SART3: variants seen among roughly 807,000 people sequenced by gnomAD.
SART3 encodes the protein HIV-1 Tat-interacting protein of 110kDa.
In SART3, 44 loss-of-function variants were observed where a neutral mutation model predicts 122.3. The ratio of observed to expected loss-of-function variants is 0.36; its 90% CI spans 0.28 to 0.46. The LOEUF is 0.46. Among genes scored for constraint, SART3 ranks in the 20% least tolerant of loss-of-function variants. The probability of loss-of-function intolerance (pLI) is 1.00; values close to 1 mark genes in which losing one functional copy is unlikely to be tolerated. For synonymous variants in SART3, 442 were observed against 454.0 expected (o/e 0.97, Z 0.34); for missense variants, 1,101 against 1,229.0 (o/e 0.90, Z 1.56).
At chr12:108,528,797 T>A (rs1274749980) in intron 15 of SART3, among the ~76,000 whole-genome samples, 1 of 152,006 alleles carries the variant, frequency 6.6e-6, no homozygotes, top group East Asian at 1.9e-4. Flanking sequence ...ATGCTGAGAA[T>A]AGAGGGAGCC....
intron 15 of SART3, among the ~76,000 whole-genome samples, chr12:108,527,451 C>T (rs1315045944): frequency 2.0e-5 from 3 of 152,246 alleles, no homozygotes; most frequent in Non-Finnish European, 4.4e-5. Context: ...CCACAGTCTT[C>T]CTGGTACGAA....
chr12:108,539,161 T>TAAAATAAAATAAAATACA, intron 6 of SART3, 72 bp from the exon 7 acceptor site: 1 of 1,568,108 alleles, frequency 6.4e-7, no homozygotes, highest in East Asian at 2.3e-5. Context: ...ATAAAATAAA[T>TAAAATAAAATAAAATACA]TTTGGCAAAA....
At chr12:108,557,756 A>G (rs2030293213) in intron 1 of SART3, among the ~76,000 whole-genome samples, 1 of 152,234 alleles carries the variant, frequency 6.6e-6, no homozygotes, top group Non-Finnish European at 1.5e-5. Flanking sequence ...CTGCACTGAC[A>G]AATCTGCCGA....
intron 6 of SART3, chr12:108,542,705 A>G (rs1873224190): frequency 2.5e-6 from 1 of 398,228 alleles, no homozygotes; most frequent in Non-Finnish European, 4.8e-6. Flanking sequence ...GGATACTTTC[A>G]TAGCTTGTAA....
rs559341962 is a variant in SART3, at chr12:108,524,780, A to G, written c.2524-274T>C. The G allele has an allele frequency of 9.7e-5, 51 of 524,894 alleles. 1 individual carries two copies. The highest frequency in any genetic ancestry group is 9.6e-4 in the South Asian group (47 of 48,732). The allele number at this position is 524,894 out of a possible 1,614,324, so 32.5% of individuals were successfully genotyped here. ...GTACGTGCTGCAGAAGTAGAAAGAA[A>G]GAAGGAAAAAGACAGATGGACCAGT... On this transcript the variant is annotated intron_variant, in intron 17 of 18. Coordinates refer to ENST00000546815, the MANE Select transcript of SART3 (RefSeq NM_014706.4).
Position 108,535,478 on chromosome 12 carries a change from A to C in SART3, c.1447-10T>G. ...TATTGCACAGTCGAGCCTAAAGTGC[A>C]TCAGCAGGCTGTTAGGAGACCTGAA... On this transcript the variant is annotated splice_polypyrimidine_tract_variant and intron_variant, in intron 11 of 18. Transcript: ENST00000546815. The C allele has an allele frequency of 6.2e-7, 1 of 1,611,570 alleles. No individual in the cohort carries two copies. Among genetic ancestry groups the C allele is most frequent in the Non-Finnish European group, 8.5e-7 (1 of 1,177,640 alleles).
chr12:108,543,736 C>T (rs1873272550), intron 5 of SART3, among the ~76,000 whole-genome samples: 1 of 152,176 alleles, frequency 6.6e-6, no homozygotes, highest in African/African-American at 2.4e-5. Flanking sequence ...AGAGAAATAA[C>T]ATGTGGGCTC....
At chr12:108,537,014 G>A (rs180914199) in intron 9 of SART3, 2 of 532,828 alleles carry the variant, frequency 3.8e-6, no homozygotes, top group Admixed American at 3.0e-5. Flanking sequence ...AGGGTGCTGT[G>A]GGGGGGAGTC....
chr12:108,526,392 G>C lies in SART3; in HGVS notation c.2077C>G (p.Pro693Ala). The change falls in exon 16 of 19, where the codon CCC becomes GCC. Residue 693 changes from proline to alanine, a missense_variant. Coordinates refer to ENST00000546815, the MANE Select transcript of SART3 (RefSeq NM_014706.4). ...TTGCTGCTGTCGTGCAGCACCTTGG[G>C]CATGTCCCTCTTCAGGGAGGCTGCC... Reference protein sequence around the residue: ...EKAASLKRDMPKVLHDSSKDS... With the variant: ...EKAASLKRDMAKVLHDSSKDS... 6.2e-7 allele frequency: 1 copy of C among 1,614,088 alleles called. No individual in the cohort carries two copies. Among genetic ancestry groups the C allele is most frequent in the South Asian group, 1.1e-5 (1 of 91,086 alleles).
At chr12:108,542,660 C>T (rs1873221874) in intron 6 of SART3, 1 of 345,604 alleles carries the variant, frequency 2.9e-6, no homozygotes, top group African/African-American at 2.1e-5. Flanking sequence ...TATAAAAGTT[C>T]AAAAGCAAGC....
chr12:108,548,091 C>A, intron 2 of SART3, 100 bp from the exon 3 acceptor site: 1 of 995,066 alleles, frequency 1.0e-6, no homozygotes, highest in South Asian at 1.4e-5. Flanking sequence ...ATCCATCTTA[C>A]ACAACCTGGC....
intron 3 of SART3, among the ~76,000 whole-genome samples, chr12:108,546,715 T>C (rs1315246366): frequency 6.6e-6 from 1 of 152,032 alleles, no homozygotes. Context: ...AGATGGGGTT[T>C]TCCCCATGTT....
chr12:108,560,442 A>G (rs1195791187), intron 1 of SART3: 3 of 326,266 alleles, frequency 9.2e-6, no homozygotes, highest in East Asian at 4.8e-5. Flanking sequence ...TCATTCCTAC[A>G]TAACAAAATA....
At chr12:108,542,317 C>T (rs908380642) in intron 6 of SART3, among the ~76,000 whole-genome samples, 1 of 152,228 alleles carries the variant, frequency 6.6e-6, no homozygotes. Context: ...CGAGAACTCT[C>T]AGATACTGCT....
At chr12:108,537,993 G>T in intron 8 of SART3, 72 bp downstream of exon 8, 1 of 1,593,090 alleles carries the variant, frequency 6.3e-7, no homozygotes, top group South Asian at 1.1e-5. Context: ...CTGATGTAAT[G>T]ACTTTGTCAC....
chr12:108,547,838 G>C (rs368443439), intron 3 of SART3, 49 bp downstream of exon 3: 161 of 1,337,170 alleles, frequency 1.2e-4, no homozygotes, highest in Non-Finnish European at 1.6e-4. Context: ...ACAGCAGACT[G>C]ATATATATGA....
At chr12:108,534,990 G>C (rs1372618772) in intron 12 of SART3, among the ~76,000 whole-genome samples, 1 of 152,090 alleles carries the variant, frequency 6.6e-6, no homozygotes, top group African/African-American at 2.4e-5. Context: ...CTCAAAGAAT[G>C]GGTCATGGTT....
chr12:108,544,626 G>T, intron 4 of SART3, 148 bp from the exon 5 acceptor site: 1 of 1,084,568 alleles, frequency 9.2e-7, no homozygotes. Context: ...GAGTGTGGTG[G>T]TGTGATCACA....
At position 108,561,142 on chromosome 12, in the gene SART3, C is replaced by G. The variant is rs750527096; in HGVS notation, c.13G>C (p.Ala5Pro). Residue 5 changes from alanine to proline, a missense_variant, in exon 1 of 19, where the codon GCC (alanine) becomes CCC (proline). Physicochemically the swap from Ala to Pro is conservative, Grantham distance 27 (BLOSUM62 -1). Transcript: ENST00000546815. MATA[A>P]ETSASEPEAE... ...TCGGGTTCTGAAGCCGAGGTTTCGGCCGCAGTCGCCATCTTGCGCTTCTAA... is the reference window on the plus strand; with the variant it reads ...TCGGGTTCTGAAGCCGAGGTTTCGGGCGCAGTCGCCATCTTGCGCTTCTAA... The G allele has an allele frequency of 3.7e-6, 6 of 1,613,216 alleles. No homozygotes were observed. The African/African-American group carries it at 8.0e-5, about 22-fold the overall frequency.
Sources: gnomAD v4.1 joint callset for allele counts (sites outside exome capture counted in the v4.1 genomes callset) on GRCh38, gnomAD v4.1.1 for gene constraint, MANE v1.5 for transcripts, NCBI Gene and HGNC (gene_info 2026-07-23, HGNC 2026-07-21) for gene names.